The following PARN variants were observed in gnomAD, a reference collection of about 807,000 sequenced individuals.
PARN encodes the protein poly(A)-specific ribonuclease PARN.
Under a neutral mutation model 102.8 loss-of-function variants are expected in PARN, and 71 were observed. That is an observed-to-expected ratio of 0.69 (90% CI 0.57 to 0.84). The LOEUF (loss-of-function observed/expected upper bound fraction) is 0.84, where lower values mean the gene tolerates loss of function less well. Ranked by LOEUF, PARN falls within the 40% of genes least tolerant of loss-of-function variation. The pLI is 0.00. For missense variants in PARN, 782 were observed against 760.9 expected, an observed-to-expected ratio of 1.03 and a Z score of -0.33; for synonymous variants, 261 against 252.9, an observed-to-expected ratio of 1.03 and a Z score of -0.30.
intron 6 of PARN, among the ~76,000 whole-genome samples, chr16:14,616,607 G>A (rs1009579626): frequency 2.6e-5 from 4 of 152,160 alleles, no homozygotes; most frequent in African/African-American, 9.7e-5. Context: ...AGCCAGGCAT[G>A]CTGGTGCACA....
intron 21 of PARN, among the ~76,000 whole-genome samples, chr16:14,489,052 G>A (rs1044357601): frequency 2.0e-5 from 3 of 152,116 alleles, no homozygotes. Context: ...ATGTAACGGT[G>A]AATGATAAAT....
intron 21 of PARN, among the ~76,000 whole-genome samples, chr16:14,500,261 T>C (rs1411470827): frequency 6.6e-6 from 1 of 152,184 alleles, no homozygotes; most frequent in Non-Finnish European, 1.5e-5. Context: ...TCTTGCTACA[T>C]TGCCAGGGCT....
chr16:14,518,363 C>A (rs1359496415), intron 21 of PARN, among the ~76,000 whole-genome samples: 1 of 127,018 alleles, frequency 7.9e-6, no homozygotes, highest in Non-Finnish European at 1.7e-5. Context: ...TAATATGAAA[C>A]AATGACAGAG....
At chr16:14,506,211 A>G (rs1309217121) in intron 21 of PARN, among the ~76,000 whole-genome samples, 1 of 152,260 alleles carries the variant, frequency 6.6e-6, no homozygotes, top group Admixed American at 6.5e-5. Context: ...TGAACTCCTC[A>G]GAAAAATGTC....
chr16:14,619,581 G>C (rs1179842274), intron 5 of PARN, among the ~76,000 whole-genome samples: 2 of 152,028 alleles, frequency 1.3e-5, no homozygotes, highest in Non-Finnish European at 2.9e-5. Context: ...GAGTAACATA[G>C]GGAGACCCAT....
At chr16:14,498,956 T>C (rs1294862271) in intron 21 of PARN, among the ~76,000 whole-genome samples, 1 of 152,254 alleles carries the variant, frequency 6.6e-6, no homozygotes, top group African/African-American at 2.4e-5. Flanking sequence ...ACCCTGAAGG[T>C]CACCAAATGT....
chr16:14,613,119 G>A (rs1314566627), intron 6 of PARN, among the ~76,000 whole-genome samples: 3 of 151,636 alleles, frequency 2.0e-5, no homozygotes, highest in Non-Finnish European at 4.4e-5. Flanking sequence ...AGACCAGCCT[G>A]ACCAACATGG....
intron 21 of PARN, among the ~76,000 whole-genome samples, chr16:14,530,164 G>A (rs1403306464): frequency 6.6e-6 from 1 of 152,132 alleles, no homozygotes; most frequent in Non-Finnish European, 1.5e-5. Context: ...CTTTAATCAC[G>A]ACATCCTTCT....
At chr16:14,524,143 T>C (rs1339160335) in intron 21 of PARN, among the ~76,000 whole-genome samples, 1 of 152,218 alleles carries the variant, frequency 6.6e-6, no homozygotes, top group East Asian at 1.9e-4. Flanking sequence ...TTCTAACCTG[T>C]GATGTATTAA....
chr16:14,569,827 C>T (rs1292289283), intron 18 of PARN, among the ~76,000 whole-genome samples: 1 of 151,440 alleles, frequency 6.6e-6, no homozygotes, highest in African/African-American at 2.4e-5. Context: ...TTTGGGGTGA[C>T]GAAAAAGTTC....
At chr16:14,535,341 T>C (rs1046649965) in intron 21 of PARN, among the ~76,000 whole-genome samples, 2 of 152,230 alleles carry the variant, frequency 1.3e-5, no homozygotes, top group Non-Finnish European at 2.9e-5. Flanking sequence ...TGAAGTAACA[T>C]TCACTCTGGT....
intron 21 of PARN, among the ~76,000 whole-genome samples, chr16:14,487,499 T>A (rs765395850): frequency 2.0e-5 from 3 of 152,208 alleles, no homozygotes; most frequent in African/African-American, 4.8e-5. Flanking sequence ...GAAGACAACA[T>A]AAGATGTAGA....
rs1485757324 is a variant in PARN, at chr16:14,630,145, C to T, written c.-20G>A. 6.4e-7 allele frequency: 1 copy of T among 1,555,498 alleles called. No homozygotes were observed. The highest frequency in any genetic ancestry group is 8.7e-7 in the Non-Finnish European group (1 of 1,148,558). ...CTCCATTCTGCAGAGTGGCCGGAAC[C>T]TTGGCCCCACCCGGGCCCGCGCCCG... On this transcript the variant is annotated 5_prime_UTR_variant, in exon 1 of 24. Coordinates refer to ENST00000437198, the MANE Select transcript of PARN (RefSeq NM_002582.4).
At chr16:14,562,433 G>GA (rs537258868) in intron 18 of PARN, among the ~76,000 whole-genome samples, 902 of 58,120 alleles carry the variant, frequency 0.016, 9 homozygotes, top group African/African-American at 0.032. Flanking sequence ...ACTCTGTCTC[G>GA]AAAAAAAAAA....
intron 19 of PARN, among the ~76,000 whole-genome samples, chr16:14,554,406 C>G (rs912507662): frequency 2.6e-5 from 4 of 151,844 alleles, no homozygotes; most frequent in African/African-American, 9.7e-5. Context: ...TCATGAAGTT[C>G]CTGTGCAAAT....
chr16:14,450,477 A>G (rs1317982282), intron 22 of PARN, among the ~76,000 whole-genome samples: 1 of 152,138 alleles, frequency 6.6e-6, no homozygotes, highest in Non-Finnish European at 1.5e-5. Flanking sequence ...TAGGCTTGTG[A>G]TTTCTAAAAT....
At chr16:14,566,120 A>G (rs1968411276) in intron 18 of PARN, among the ~76,000 whole-genome samples, 1 of 152,196 alleles carries the variant, frequency 6.6e-6, no homozygotes, top group Admixed American at 6.5e-5. Context: ...TGGCCTCCAA[A>G]AAGATATGTC....
chr16:14,522,228 A>T (rs1000388279), intron 21 of PARN, among the ~76,000 whole-genome samples: 1 of 152,370 alleles, frequency 6.6e-6, no homozygotes, highest in Non-Finnish European at 1.5e-5. Context: ...AGCCACAAAC[A>T]TCATTTGCAC....
At chr16:14,447,988 A>ATCTG (rs58713042) in intron 22 of PARN, among the ~76,000 whole-genome samples, 1 of 146,140 alleles carries the variant, frequency 6.8e-6, no homozygotes, top group Non-Finnish European at 1.5e-5. Flanking sequence ...CTATCTATCT[A>ATCTG]ATCTAATTAT....
Sources: gnomAD v4.1 joint callset for allele counts (sites outside exome capture counted in the v4.1 genomes callset) on GRCh38, gnomAD v4.1.1 for gene constraint, MANE v1.5 for transcripts, NCBI Gene and HGNC (gene_info 2026-07-23, HGNC 2026-07-21) for gene names.